The following CSMD1 variants were observed in gnomAD, a reference collection of about 807,000 sequenced individuals.
The protein encoded by CSMD1 is CUB and sushi domain-containing protein 1.
CSMD1 carries 213 observed loss-of-function variants against 417.5 expected under a neutral mutation model. The ratio of observed to expected loss-of-function variants is 0.51; its 90% CI spans 0.46 to 0.57. The LOEUF is 0.57. Ranked by LOEUF, CSMD1 falls within the 20% of genes least tolerant of loss-of-function variation. CSMD1 has a pLI of 0.00. For synonymous variants in CSMD1, 2,862 were observed against 1,736.8 expected (o/e 1.65, Z -16.11); for missense variants, 6,923 against 4,529.7 (o/e 1.53, Z -15.17).
At position 3,194,408 on chromosome 8, in the gene CSMD1, CTATT is replaced by C. The variant is rs1348381708; in HGVS notation, c.5195-4297_5195-4294del. Among the ~76,000 whole-genome samples the C allele has an allele frequency of 3.0e-5, 4 of 134,914 alleles. No homozygotes were observed. The East Asian group carries it at 8.8e-4, about 30-fold the overall frequency. 88.5% of individuals were successfully genotyped at this position (134,914 alleles called of 152,430 possible). A position where few individuals can be genotyped will look rare whatever the true frequency, so the allele number is the denominator to read the frequency against. On this transcript the variant is annotated intron_variant, in intron 33 of 69. Transcript: ENST00000635120. ...TATTTTCAGGAGACCATCTGATTAA[CTATT>C]TTATTTTATTTTATTTTATTTTATT...
At chr8:4,592,864 T>C (rs546418064) in intron 2 of CSMD1, among the ~76,000 whole-genome samples, 3 of 152,338 alleles carry the variant, frequency 2.0e-5, no homozygotes, top group East Asian at 1.9e-4. Flanking sequence ...TCCATATTTA[T>C]TGATTTTTTC....
intron 11 of CSMD1, among the ~76,000 whole-genome samples, chr8:3,485,346 T>C (rs1312124143): frequency 1.3e-5 from 2 of 152,118 alleles, no homozygotes; most frequent in African/African-American, 2.4e-5. Context: ...GACAAATTTT[T>C]AGAGCTGGAG....
intron 3 of CSMD1, among the ~76,000 whole-genome samples, chr8:4,196,070 G>C (rs1008196164): frequency 6.6e-6 from 1 of 152,214 alleles, no homozygotes; most frequent in East Asian, 1.9e-4. Flanking sequence ...AATTAGCCGG[G>C]CGTGGTGACG....
chr8:4,653,296 T>C (rs1473532388), intron 1 of CSMD1, among the ~76,000 whole-genome samples: 1 of 152,124 alleles, frequency 6.6e-6, no homozygotes, highest in East Asian at 1.9e-4. Context: ...TGAATTAAGG[T>C]GACGATCACT....
intron 1 of CSMD1, among the ~76,000 whole-genome samples, chr8:4,685,049 C>A (rs1806284795): frequency 6.6e-6 from 1 of 152,170 alleles, no homozygotes; most frequent in Non-Finnish European, 1.5e-5. Context: ...CAACATGATT[C>A]TTCTGACCCT....
intron 20 of CSMD1, among the ~76,000 whole-genome samples, chr8:3,361,523 A>C (rs1043431248): frequency 7.9e-5 from 12 of 151,960 alleles, no homozygotes; most frequent in Admixed American, 4.6e-4. Flanking sequence ...ATGGTGGTGC[A>C]TGCCTGTAAT....
At chr8:3,580,035 T>G (rs1584916543) in intron 9 of CSMD1, among the ~76,000 whole-genome samples, 1 of 151,530 alleles carries the variant, frequency 6.6e-6, no homozygotes, top group African/African-American at 2.4e-5. Context: ...GCTAGGGAGG[T>G]GGAAGTTGCA....
intron 23 of CSMD1, among the ~76,000 whole-genome samples, chr8:3,319,876 G>C (rs928194495): frequency 1.3e-5 from 2 of 152,012 alleles, no homozygotes; most frequent in African/African-American, 2.4e-5. Context: ...TTTGCTCTTA[G>C]ATGGGAATAT....
intron 2 of CSMD1, among the ~76,000 whole-genome samples, chr8:4,529,872 T>C (rs1020439546): frequency 8.1e-6 from 1 of 124,138 alleles, no homozygotes; most frequent in South Asian, 2.5e-4. Flanking sequence ...CTGCTGCCAT[T>C]GTTTTTTTTT....
chr8:3,539,991 A>G (rs1195734721), intron 10 of CSMD1, among the ~76,000 whole-genome samples: 2 of 152,146 alleles, frequency 1.3e-5, no homozygotes, highest in African/African-American at 4.8e-5. Context: ...AAGCCTGCTT[A>G]TATTTGCATC....
At chr8:4,824,110 ACT>A (rs1491164125) in intron 1 of CSMD1, among the ~76,000 whole-genome samples, 10 of 137,956 alleles carry the variant, frequency 7.2e-5, no homozygotes, top group African/African-American at 2.1e-4. Flanking sequence ...ACACACACAC[ACT>A]CTCCCTCTCA....
At chr8:4,820,718 C>A (rs778448534) in intron 1 of CSMD1, among the ~76,000 whole-genome samples, 3 of 152,142 alleles carry the variant, frequency 2.0e-5, no homozygotes, top group Non-Finnish European at 4.4e-5. Flanking sequence ...AGCTCATGGA[C>A]TAATAAGGAT....
intron 11 of CSMD1, among the ~76,000 whole-genome samples, chr8:3,478,019 A>G (rs763633768): frequency 2.0e-5 from 3 of 152,218 alleles, no homozygotes; most frequent in African/African-American, 7.2e-5. Flanking sequence ...AAGATAATTC[A>G]TACATATACT....
chr8:4,422,859 T>C (rs959225223), intron 2 of CSMD1, among the ~76,000 whole-genome samples: 9 of 152,068 alleles, frequency 5.9e-5, no homozygotes, highest in Non-Finnish European at 1.0e-4. Flanking sequence ...AGAGGAATGT[T>C]AGAAAGGTCC....
chr8:4,485,572 C>T (rs1393067099), intron 2 of CSMD1, among the ~76,000 whole-genome samples: 8 of 151,994 alleles, frequency 5.3e-5, no homozygotes, highest in Admixed American at 1.3e-4. Flanking sequence ...TTATTTCTTG[C>T]CACTTCTATC....
At chr8:3,426,729 T>C (rs1312466424) in intron 12 of CSMD1, among the ~76,000 whole-genome samples, 1 of 152,228 alleles carries the variant, frequency 6.6e-6, no homozygotes, top group Non-Finnish European at 1.5e-5. Flanking sequence ...AACTTTATAG[T>C]TTACTAAAAT....
At chr8:3,457,853 G>A (rs1437414881) in intron 12 of CSMD1, among the ~76,000 whole-genome samples, 2 of 152,148 alleles carry the variant, frequency 1.3e-5, no homozygotes, top group African/African-American at 2.4e-5. Flanking sequence ...GTAAAGATGT[G>A]GGAGAATGTT....
At chr8:4,593,845 T>G (rs567039275) in intron 2 of CSMD1, among the ~76,000 whole-genome samples, 1 of 152,286 alleles carries the variant, frequency 6.6e-6, no homozygotes, top group South Asian at 2.1e-4. Flanking sequence ...TTTGCTAAGA[T>G]TGCCTGTAAC....
intron 37 of CSMD1, among the ~76,000 whole-genome samples, chr8:3,165,840 A>C (rs1585531216): frequency 6.6e-6 from 1 of 152,238 alleles, no homozygotes; most frequent in East Asian, 1.9e-4. Flanking sequence ...CTTTTTGGGA[A>C]TGCGGTGAAA....
Sources: gnomAD v4.1 joint callset for allele counts (sites outside exome capture counted in the v4.1 genomes callset) on GRCh38, gnomAD v4.1.1 for gene constraint, MANE v1.5 for transcripts, NCBI Gene and HGNC (gene_info 2026-07-23, HGNC 2026-07-21) for gene names.